Variants in CLEC16A observed in about 807,000 individuals in gnomAD.
CLEC16A encodes C-type lectin domain containing 16A.
CLEC16A carries 51 observed loss-of-function variants against 109.5 expected under a neutral mutation model. The observed-to-expected ratio is 0.47, with a 90% CI of 0.37 to 0.59. The LOEUF is 0.59. Ranked by LOEUF, CLEC16A falls within the 20% of genes least tolerant of loss-of-function variation. CLEC16A has a pLI of 0.00. For missense variants in CLEC16A, 1,339 were observed against 1,394.0 expected, an observed-to-expected ratio of 0.96 and a Z score of 0.63; for synonymous variants, 673 against 564.2, an observed-to-expected ratio of 1.19 and a Z score of -2.73.
chr16:11,044,921 C>G (rs1194136923), intron 16 of CLEC16A, among the ~76,000 whole-genome samples: 2 of 144,850 alleles, frequency 1.4e-5, no homozygotes, highest in Non-Finnish European at 1.5e-5. Flanking sequence ...AGCGAAAACT[C>G]CATCTCAAAA....
At chr16:11,160,864 C>G (rs2054699614) in intron 22 of CLEC16A, among the ~76,000 whole-genome samples, 1 of 152,184 alleles carries the variant, frequency 6.6e-6, no homozygotes, top group Admixed American at 6.5e-5. Flanking sequence ...GGAGTTCCAG[C>G]CATTGCATCC....
At chr16:11,152,576 A>G (rs2054334716) in intron 22 of CLEC16A, among the ~76,000 whole-genome samples, 1 of 152,216 alleles carries the variant, frequency 6.6e-6, no homozygotes. Context: ...TCTGTTGTCT[A>G]GAAGCTGAGC....
intron 19 of CLEC16A, among the ~76,000 whole-genome samples, chr16:11,106,436 G>T (rs929333431): frequency 1.3e-5 from 2 of 150,208 alleles, no homozygotes; most frequent in Non-Finnish European, 3.0e-5. Context: ...TTACAGGTGT[G>T]AGCCACCACA....
intron 22 of CLEC16A, chr16:11,126,426 C>T: frequency 7.1e-7 from 1 of 1,400,960 alleles, no homozygotes; most frequent in South Asian, 1.6e-5. Flanking sequence ...TTGGAAATTT[C>T]TTGGAAACAT....
At chr16:11,116,944 A>G (rs1026697844) in intron 19 of CLEC16A, among the ~76,000 whole-genome samples, 8 of 152,218 alleles carry the variant, frequency 5.3e-5, no homozygotes, top group African/African-American at 1.9e-4. Flanking sequence ...GTGCCCATCA[A>G]TGGTGGACTG....
At chr16:11,119,254 C>T (rs1435051503) in intron 19 of CLEC16A, among the ~76,000 whole-genome samples, 4 of 152,188 alleles carry the variant, frequency 2.6e-5, no homozygotes, top group East Asian at 3.8e-4. Flanking sequence ...CTGCCCACCT[C>T]GGCCTCCCAG....
intron 12 of CLEC16A, among the ~76,000 whole-genome samples, chr16:11,020,627 G>A (rs1307664662): frequency 6.6e-6 from 1 of 152,216 alleles, no homozygotes; most frequent in Non-Finnish European, 1.5e-5. Flanking sequence ...CTTCACATTG[G>A]CTGCTCCTAG....
intron 3 of CLEC16A, among the ~76,000 whole-genome samples, chr16:10,968,348 G>A (rs2042614188): frequency 1.3e-5 from 2 of 152,206 alleles, no homozygotes; most frequent in East Asian, 1.9e-4. Context: ...GTTGGAATCT[G>A]GTTTTGCCTC....
At chr16:11,150,129 T>C (rs916972458) in intron 22 of CLEC16A, 1 of 152,252 alleles carries the variant, frequency 6.6e-6, no homozygotes, top group African/African-American at 2.4e-5. Flanking sequence ...TGTTTGGTTT[T>C]AGCTGCTCAC....
chr16:11,087,888 C>G (rs576605328), intron 19 of CLEC16A, among the ~76,000 whole-genome samples: 1 of 152,326 alleles, frequency 6.6e-6, no homozygotes, highest in South Asian at 2.1e-4. Flanking sequence ...CAGTTTGAGG[C>G]AGGAAGTGTC....
intron 18 of CLEC16A, among the ~76,000 whole-genome samples, chr16:11,054,056 A>T (rs2048085024): frequency 6.6e-6 from 1 of 152,256 alleles, no homozygotes; most frequent in South Asian, 2.1e-4. Context: ...TTCTGGCACC[A>T]ACACGGCAGT....
intron 18 of CLEC16A, among the ~76,000 whole-genome samples, chr16:11,060,520 C>T (rs761630898): frequency 9.9e-5 from 15 of 152,226 alleles, no homozygotes; most frequent in Non-Finnish European, 1.9e-4. Flanking sequence ...TTGCTGGAAG[C>T]ATGGCCTGGG....
At chr16:11,112,432 G>A (rs1336568316) in intron 19 of CLEC16A, among the ~76,000 whole-genome samples, 1 of 148,018 alleles carries the variant, frequency 6.8e-6, no homozygotes, top group Non-Finnish European at 1.5e-5. Context: ...GGCCAAGGCA[G>A]GAGGACCACT....
intron 19 of CLEC16A, among the ~76,000 whole-genome samples, chr16:11,098,067 A>T (rs2050707097): frequency 6.6e-6 from 1 of 152,212 alleles, no homozygotes; most frequent in Admixed American, 6.5e-5. Flanking sequence ...CACCAATTAA[A>T]TCAGACTGTC....
At chr16:11,042,834 G>C (rs752420403) in intron 15 of CLEC16A, among the ~76,000 whole-genome samples, 1 of 150,930 alleles carries the variant, frequency 6.6e-6, no homozygotes, top group African/African-American at 2.4e-5. Context: ...TTGACATTTT[G>C]TCTGTGTCTG....
chr16:11,157,261 G>A, intron 22 of CLEC16A: 1 of 1,181,102 alleles, frequency 8.5e-7, no homozygotes, highest in South Asian at 1.7e-5. Flanking sequence ...AGTGATGTGG[G>A]GGTCGCCCAT....
At chr16:11,089,871 T>C (rs1252099659) in intron 19 of CLEC16A, among the ~76,000 whole-genome samples, 1 of 152,144 alleles carries the variant, frequency 6.6e-6, no homozygotes, top group African/African-American at 2.4e-5. Context: ...TGTGCTCTGC[T>C]CCGTTTTTTC....
chr16:10,972,337 G>T lies in CLEC16A; in HGVS notation c.599-217G>T, dbSNP rs139857084. ...GGCAACTAGCCAACGTGGCAGGCTTGTAAGATTGTGACCCTGGTCCAAGCC... is the reference window on the plus strand; with the variant it reads ...GGCAACTAGCCAACGTGGCAGGCTTTTAAGATTGTGACCCTGGTCCAAGCC... On this transcript the variant is annotated intron_variant, in intron 5 of 23. Transcript: ENST00000409790. 190 of 561,548 alleles carry T rather than the reference G, an allele frequency of 3.4e-4. 2 individuals are homozygous for T. In the East Asian group the frequency reaches 5.6e-3, roughly 17 times the overall value. The allele number at this position is 561,548 out of a possible 1,614,324, so 34.8% of individuals were successfully genotyped here. A position where few individuals can be genotyped will look rare whatever the true frequency, so the allele number is the denominator to read the frequency against.
intron 22 of CLEC16A, among the ~76,000 whole-genome samples, chr16:11,155,245 C>G (rs1007800516): frequency 5.9e-5 from 9 of 152,130 alleles, no homozygotes; most frequent in Non-Finnish European, 1.0e-4. Context: ...TGCGTTAATG[C>G]TTTCATCCTC....
Sources: gnomAD v4.1 joint callset for allele counts (sites outside exome capture counted in the v4.1 genomes callset) on GRCh38, gnomAD v4.1.1 for gene constraint, MANE v1.5 for transcripts, NCBI Gene and HGNC (gene_info 2026-07-23, HGNC 2026-07-21) for gene names.